Variants in CTSA observed in about 807,000 individuals in gnomAD.
CTSA encodes lysosomal protective protein.
In CTSA, 42 loss-of-function variants were observed where a neutral mutation model predicts 66.7. That is an observed-to-expected ratio of 0.63 (90% CI 0.49 to 0.81). The LOEUF is 0.81. Among genes scored for constraint, CTSA ranks in the 40% least tolerant of loss-of-function variants. The pLI, the probability that CTSA is intolerant of heterozygous loss-of-function variation, is 0.00. For missense variants in CTSA, 525 were observed against 610.9 expected (o/e 0.86, Z 1.48); for synonymous variants, 225 against 248.6 (o/e 0.91, Z 0.89).
At chr20:45,894,510 A>T (rs1259824104) in intron 8 of CTSA, 140 bp from the exon 9 acceptor site, 3 of 778,992 alleles carry the variant, frequency 3.9e-6, no homozygotes, top group Non-Finnish European at 6.7e-6. Context: ...GATTCCTGCC[A>T]CTGAGCCTCA....
Position 45,895,139 on chromosome 20 carries a change from G to T in CTSA, c.1088+6G>T. 3 of 1,614,086 alleles carry T rather than the reference G, an allele frequency of 1.9e-6. No individual in the cohort carries two copies. The highest frequency in any genetic ancestry group is 2.5e-6 in the Non-Finnish European group (3 of 1,180,006). On this transcript the variant is annotated splice_donor_region_variant and intron_variant, in intron 11 of 14. Coordinates refer to ENST00000646241, the MANE Select transcript of CTSA (RefSeq NM_000308.4). ...CCACAATGGGACATGTGCAAGTGAGGTTCCGTGGCCACCTGTGACTTGGGG... is the reference window on the plus strand; with the variant it reads ...CCACAATGGGACATGTGCAAGTGAGTTTCCGTGGCCACCTGTGACTTGGGG...
intron 7 of CTSA, 125 bp downstream of exon 7, chr20:45,893,436 A>G (rs1215935244): frequency 1.3e-6 from 1 of 758,666 alleles, no homozygotes; most frequent in African/African-American, 1.7e-5. Context: ...GGTTGCAGAA[A>G]GAACCTAGTG....
At position 45,897,060 on chromosome 20, in the gene CTSA, C is replaced by T; in HGVS notation, c.1164+20C>T. The T allele has an allele frequency of 6.3e-7, 1 of 1,595,878 alleles. No homozygotes were observed. The highest frequency in any genetic ancestry group is 2.2e-5 in the East Asian group (1 of 44,816). ...TCACAGGTGAGTGGGGAGAGCACAG[C>T]TGGATCACCAGCAGCCTTAGGACCC... is the stretch of plus-strand genomic sequence containing the variant. On this transcript the variant is annotated intron_variant, in intron 12 of 14. Coordinates refer to ENST00000646241, the MANE Select transcript of CTSA (RefSeq NM_000308.4).
Position 45,891,974 on chromosome 20 carries a change from G to C in CTSA, c.253G>C (p.Gly85Arg). ...NSPVVLWLNG[G>R]PGCSSLDGLL... ...CCCTGTGGTGCTTTGGCTCAATGGG[G>C]GTCCCGGCTGCAGCTCACTAGATGG... Residue 85 changes from glycine (G) to arginine (R), a missense_variant, in exon 3 of 15, where the codon GGT (glycine) becomes CGT (arginine). Gly to Arg is a moderately radical substitution (Grantham distance 125). Around this residue, in one of 3 missense-constraint regions of CTSA, gnomAD observed 246 missense variants for 267.4 expected, o/e 0.92. Transcript: ENST00000646241. The surrounding 1 kb of genome is among the most constrained non-coding windows in gnomAD (Gnocchi z 4.6). 2 of 1,614,132 alleles carry C rather than the reference G, an allele frequency of 1.2e-6. No individual in the cohort carries two copies. The highest frequency in any genetic ancestry group is 8.5e-7 in the Non-Finnish European group (1 of 1,180,022).
intron 12 of CTSA, 73 bp from the exon 13 acceptor site, chr20:45,897,644 A>G: frequency 1.1e-6 from 1 of 887,010 alleles, no homozygotes; most frequent in East Asian, 2.4e-5. Flanking sequence ...CCTGAGGGGT[A>G]GGCCTTGAAC....
In CTSA at chr20:45,891,482, C is replaced by G; in HGVS notation, c.1-87C>G. The G allele has an allele frequency of 6.5e-7, 1 of 1,547,148 alleles. No homozygotes were observed. The highest frequency in any genetic ancestry group is 8.7e-7 in the Non-Finnish European group (1 of 1,146,374). On this transcript the variant is annotated intron_variant, in intron 1 of 14. Transcript: ENST00000646241. The surrounding 1 kb of genome is among the most constrained non-coding windows in gnomAD (Gnocchi z 4.6). ...CTGGCGCTGGGGCCGGGGCTTCCCT[C>G]GCGGAGGCGCCGCCAGCAACTCCCC...
chr20:45,892,926 G>A (rs750157361), intron 6 of CTSA, 46 bp downstream of exon 6: 1 of 1,607,698 alleles, frequency 6.2e-7, no homozygotes, highest in East Asian at 2.2e-5. Context: ...TGAGGCTGTG[G>A]CCTTACAGTT....
At chr20:45,894,182 C>T in intron 8 of CTSA, 110 bp downstream of exon 8, 1 of 819,626 alleles carries the variant, frequency 1.2e-6, no homozygotes, top group Non-Finnish European at 2.1e-6. Flanking sequence ...TGCTTTCTTG[C>T]ACCTTTAAGC....
In CTSA at chr20:45,898,820, A is replaced by G. The variant is rs368532767; in HGVS notation, c.*370A>G. On this transcript the variant is annotated 3_prime_UTR_variant, in exon 15 of 15. Transcript: ENST00000646241. The surrounding 1 kb of genome is among the most constrained non-coding windows in gnomAD (Gnocchi z 4.6). ...GGAATTAAATTGGGTACAGCTTCAA[A>G]TCCCGTCTTCTCTGTGGCACTGGGG... The G allele has an allele frequency of 1.2e-5, 14 of 1,153,500 alleles. No individual in the cohort carries two copies. In the Middle Eastern group the frequency reaches 2.8e-3, roughly 231 times the overall value. 71.5% of individuals were successfully genotyped at this position (1,153,500 alleles called of 1,614,324 possible).
At chr20:45,892,586 G>A (rs1987024356) in intron 5 of CTSA, 102 bp downstream of exon 5, 1 of 1,501,350 alleles carries the variant, frequency 6.7e-7, no homozygotes, top group Admixed American at 1.7e-5. Context: ...TTTTCGCTCT[G>A]TCATATGCTA....
In CTSA at chr20:45,897,038, C is replaced by T; in HGVS notation, c.1162C>T (p.Gln388Ter). ...CCAGTATCTGAAGCTGCTTAGCTCACAGGTGAGTGGGGAGAGCACAGCTGG... is the reference window on the plus strand; with the variant it reads ...CCAGTATCTGAAGCTGCTTAGCTCATAGGTGAGTGGGGAGAGCACAGCTGG... The part of the protein sequence containing the change: ...NSQYLKLLSS[Q>*]KYQILLYNGD... The change falls in exon 12 of 15, where the codon CAG becomes TAG. Residue 388 changes from glutamine to a stop codon, truncating the protein, a stop_gained and splice_region_variant. Transcript: ENST00000646241. LOFTEE classifies it high-confidence loss of function. 1 of 1,612,190 alleles carries T rather than the reference C, an allele frequency of 6.2e-7. No individual in the cohort carries two copies. Among genetic ancestry groups the T allele is most frequent in the Non-Finnish European group, 8.5e-7 (1 of 1,178,432 alleles).
rs754739494 is a variant in CTSA, at chr20:45,898,018, G to A, written c.1268G>A (p.Arg423His). 18 of 1,614,046 alleles carry A rather than the reference G, an allele frequency of 1.1e-5. No homozygotes were observed. Among genetic ancestry groups the A allele is most frequent in the Non-Finnish European group, 1.4e-5 (17 of 1,180,026 alleles). ...CTGGTGGGGCAGATGGAGGTGCAGC[G>A]CCGGCCCTGGTTAGTGAAGTACGGG... ...DSLNQKMEVQ[R>H]RPWLVKYGDS... Residue 423 changes from arginine to histidine, a missense_variant, in exon 14 of 15, where the codon CGC (arginine) becomes CAC (histidine). By Grantham distance (29) the Arg-to-His change is conservative (BLOSUM62 0). Around this residue, in one of 3 missense-constraint regions of CTSA, gnomAD observed 274 missense variants for 321.1 expected, o/e 0.85. Coordinates refer to ENST00000646241, the MANE Select transcript of CTSA (RefSeq NM_000308.4). The surrounding 1 kb of genome is among the most constrained non-coding windows in gnomAD (Gnocchi z 4.6).
Position 45,892,440 on chromosome 20 carries a change from T to G in CTSA, c.400T>G (p.Phe134Val). ...LYLESPAGVG[F>V]SYSDDKFYAT... ...CCTGGAGTCCCCAGCTGGGGTGGGC[T>G]TCTCCTACTCCGATGACAAGTTTTA... Residue 134 changes from phenylalanine to valine, a missense_variant, in exon 5 of 15, where the codon TTC becomes GTC. Physicochemically the swap from Phe to Val is conservative, Grantham distance 50. Around this residue, in one of 3 missense-constraint regions of CTSA, gnomAD observed 246 missense variants for 267.4 expected, o/e 0.92. Transcript: ENST00000646241. 6.2e-7 allele frequency: 1 copy of G among 1,614,208 alleles called. No individual in the cohort carries two copies. The highest frequency in any genetic ancestry group is 1.1e-5 in the South Asian group (1 of 91,086).
intron 5 of CTSA, 98 bp from the exon 6 acceptor site, chr20:45,892,627 G>T: frequency 1.3e-6 from 2 of 1,552,210 alleles, no homozygotes; most frequent in Non-Finnish European, 1.8e-6. Flanking sequence ...ACTTCCTCTT[G>T]CACAAATAGG....
In CTSA at chr20:45,894,917, G is replaced by C. The variant is rs376726324; in HGVS notation, c.948+16G>C. 6.2e-7 allele frequency: 1 copy of C among 1,614,102 alleles called. No individual in the cohort carries two copies. Among genetic ancestry groups the C allele is most frequent in the South Asian group, 1.1e-5 (1 of 91,074 alleles). On this transcript the variant is annotated intron_variant, in intron 10 of 14. Coordinates refer to ENST00000646241, the MANE Select transcript of CTSA (RefSeq NM_000308.4). ...GTGGCATCAGGTGTGCGAGGGCGTG[G>C]GCTTCCTCCTGGTGAGGTGGGGGCA...
In CTSA at chr20:45,898,220, C is replaced by A. The variant is rs867067455; in HGVS notation, c.1359+111C>A. On this transcript the variant is annotated intron_variant, in intron 14 of 14. Coordinates refer to ENST00000646241, the MANE Select transcript of CTSA (RefSeq NM_000308.4). This position sits in a 1 kb window ranked among gnomAD's most constrained non-coding sequence, Gnocchi z 4.6. Reference sequence around the variant, plus strand: ...GCTGGGTCATGGGTCACCATCTGGCCCCTGTATGGGCAAGTTTTTTTGGAG... The same window carrying A: ...GCTGGGTCATGGGTCACCATCTGGCACCTGTATGGGCAAGTTTTTTTGGAG... The A allele has an allele frequency of 2.2e-6, 3 of 1,380,108 alleles. No individual in the cohort carries two copies. The Middle Eastern group carries it at 5.4e-4, about 246-fold the overall frequency. The allele number at this position is 1,380,108 out of a possible 1,614,324, so 85.5% of individuals were successfully genotyped here. A position where few individuals can be genotyped will look rare whatever the true frequency, so the allele number is the denominator to read the frequency against.
intron 7 of CTSA, 46 bp downstream of exon 7, chr20:45,893,357 C>T: frequency 7.0e-7 from 1 of 1,429,784 alleles, no homozygotes; most frequent in Non-Finnish European, 9.9e-7. Context: ...AGGCAGGTCA[C>T]ATGATCTCAG....
At chr20:45,894,343 A>C in intron 8 of CTSA, 2 of 610,536 alleles carry the variant, frequency 3.3e-6, no homozygotes, top group South Asian at 3.9e-5. Context: ...AACTGTGTCT[A>C]TGTAGATTAT....
rs564493992 is a variant in CTSA, at chr20:45,894,092, T to C, written c.777+20T>C. The C allele has an allele frequency of 3.3e-6, 5 of 1,514,892 alleles. No homozygotes were observed. In the African/African-American group the frequency reaches 4.1e-5, roughly 12 times the overall value. The allele number at this position is 1,514,892 out of a possible 1,614,324, so 93.8% of individuals were successfully genotyped here. On this transcript the variant is annotated intron_variant, in intron 8 of 14. Transcript: ENST00000646241. Reference sequence around the variant, plus strand: ...ACCAATGTGAGGTTCTGCCATCACTTTGCATGAGCTCTCCCATCCCTAATC... The same window carrying C: ...ACCAATGTGAGGTTCTGCCATCACTCTGCATGAGCTCTCCCATCCCTAATC...
Sources: gnomAD v4.1 joint callset for allele counts on GRCh38, gnomAD v4.1.1 for gene constraint, gnomAD v4.1.1 regional missense constraint, Gnocchi (gnomAD v3.1) non-coding constraint, MANE v1.5 for transcripts, NCBI Gene and HGNC (gene_info 2026-07-23, HGNC 2026-07-21) for gene names.